FRMD4A: variants seen among roughly 807,000 people sequenced by gnomAD.
The protein encoded by FRMD4A is FERM domain-containing protein 4A.
In FRMD4A, 29 loss-of-function variants were observed where a neutral mutation model predicts 129.1. The ratio of observed to expected loss-of-function variants is 0.22; its 90% CI spans 0.17 to 0.31. FRMD4A has a LOEUF of 0.31. FRMD4A is among the 10% of genes least tolerant of loss of function. FRMD4A has a pLI of 1.00. For missense variants in FRMD4A, 1,272 were observed against 1,375.8 expected (o/e 0.92, Z 1.19); for synonymous variants, 634 against 571.6 (o/e 1.11, Z -1.56).
chr10:14,228,374 T>C (rs1018532677), intron 2 of FRMD4A, among the ~76,000 whole-genome samples: 2 of 152,216 alleles, frequency 1.3e-5, no homozygotes, highest in African/African-American at 2.4e-5. Flanking sequence ...GTTTATTGTT[T>C]GAGCTTAATT....
intron 2 of FRMD4A, among the ~76,000 whole-genome samples, chr10:14,003,238 G>C (rs1352609934): frequency 4.6e-5 from 7 of 152,178 alleles, no homozygotes; most frequent in Non-Finnish European, 8.8e-5. Flanking sequence ...GGAATGGACA[G>C]TGCCTTGTGG....
chr10:13,988,182 T>C (rs761169178), intron 2 of FRMD4A, among the ~76,000 whole-genome samples: 11 of 152,234 alleles, frequency 7.2e-5, no homozygotes, highest in Non-Finnish European at 4.4e-5. Flanking sequence ...AGAACACTTC[T>C]TTAGTATTAT....
In FRMD4A at chr10:13,654,471, C is replaced by T; in HGVS notation, c.2995G>A (p.Glu999Lys). Residue 999 changes from glutamate to lysine, a missense_variant, in exon 23 of 25, where the codon GAA becomes AAA. By Grantham distance (56) the Glu-to-Lys change is moderately conservative. This residue lies in a region of FRMD4A where 972 missense variants were observed against 892.3 expected (regional missense o/e 1.09). Coordinates refer to ENST00000357447, the MANE Select transcript of FRMD4A (RefSeq NM_018027.5). ...QSQRSSTPSS[E>K]IGATPPSSPH... Reference sequence around the variant, plus strand: ...CTGCTTGGGGGGGTGGCTCCAATTTCACTTGACGGTGTCGAGCTTCTCTGG... The same window carrying T: ...CTGCTTGGGGGGGTGGCTCCAATTTTACTTGACGGTGTCGAGCTTCTCTGG... 1 of 1,613,978 alleles carries T rather than the reference C, an allele frequency of 6.2e-7. No homozygotes were observed. Among genetic ancestry groups the T allele is most frequent in the South Asian group, 1.1e-5 (1 of 91,060 alleles).
chr10:13,900,793 A>G (rs1388425344), intron 2 of FRMD4A, among the ~76,000 whole-genome samples: 1 of 152,148 alleles, frequency 6.6e-6, no homozygotes, highest in African/African-American at 2.4e-5. Flanking sequence ...GCTACTCAGG[A>G]GGCTGAGGCA....
intron 2 of FRMD4A, among the ~76,000 whole-genome samples, chr10:13,989,089 T>C (rs1276752709): frequency 1.3e-5 from 2 of 152,110 alleles, no homozygotes; most frequent in African/African-American, 2.4e-5. Context: ...GGTGGGGACA[T>C]AAGAAATATC....
chr10:14,175,722 G>T (rs1160620991), intron 2 of FRMD4A, among the ~76,000 whole-genome samples: 3 of 151,860 alleles, frequency 2.0e-5, no homozygotes, highest in Non-Finnish European at 4.4e-5. Flanking sequence ...ACAGGGTCTT[G>T]CTATGTTTCC....
At chr10:13,988,797 C>T (rs1186295839) in intron 2 of FRMD4A, among the ~76,000 whole-genome samples, 3 of 152,166 alleles carry the variant, frequency 2.0e-5, no homozygotes, top group South Asian at 2.1e-4. Flanking sequence ...TATCTACCTA[C>T]CTACCTACCT....
intron 12 of FRMD4A, among the ~76,000 whole-genome samples, chr10:13,713,804 T>C (rs1458204082): frequency 1.6e-5 from 2 of 124,006 alleles, no homozygotes; most frequent in Non-Finnish European, 3.2e-5. Flanking sequence ...ATGTAATATA[T>C]ATACACATAT....
chr10:13,679,664 T>C (rs951899651), intron 15 of FRMD4A, among the ~76,000 whole-genome samples: 3 of 151,556 alleles, frequency 2.0e-5, no homozygotes, highest in Non-Finnish European at 4.4e-5. Context: ...GTGAACCTGC[T>C]GCATGTATTC....
At chr10:14,039,285 C>T (rs1340425001) in intron 2 of FRMD4A, among the ~76,000 whole-genome samples, 3 of 152,014 alleles carry the variant, frequency 2.0e-5, no homozygotes, top group Non-Finnish European at 4.4e-5. Context: ...TATACTATAT[C>T]AAAGGTTTTT....
At chr10:13,899,730 C>G (rs1319680905) in intron 2 of FRMD4A, among the ~76,000 whole-genome samples, 1 of 152,166 alleles carries the variant, frequency 6.6e-6, no homozygotes, top group Non-Finnish European at 1.5e-5. Context: ...AACCCAGAGT[C>G]GTCTTTTGGA....
chr10:14,235,665 C>T (rs528136221), intron 2 of FRMD4A, among the ~76,000 whole-genome samples: 1 of 152,352 alleles, frequency 6.6e-6, no homozygotes, highest in East Asian at 1.9e-4. Context: ...GGGTGGGCTT[C>T]CCACCAGTGA....
chr10:13,838,737 C>A (rs1019228235), intron 3 of FRMD4A, among the ~76,000 whole-genome samples: 1 of 152,128 alleles, frequency 6.6e-6, no homozygotes, highest in African/African-American at 2.4e-5. Flanking sequence ...AAGTGATACG[C>A]CTGCCTCAGC....
chr10:13,709,318 T>A (rs1375092335), intron 12 of FRMD4A, among the ~76,000 whole-genome samples: 1 of 152,108 alleles, frequency 6.6e-6, no homozygotes, highest in African/African-American at 2.4e-5. Context: ...TTAGCCTCAG[T>A]TTTCCCCTCT....
intron 2 of FRMD4A, among the ~76,000 whole-genome samples, chr10:14,231,255 T>A (rs1349715096): frequency 1.3e-5 from 2 of 152,180 alleles, no homozygotes; most frequent in African/African-American, 4.8e-5. Context: ...GCATGAGTGT[T>A]CCCTTTTTGC....
intron 16 of FRMD4A, among the ~76,000 whole-genome samples, chr10:13,671,327 A>T (rs1261958701): frequency 6.6e-6 from 1 of 151,988 alleles, no homozygotes; most frequent in East Asian, 1.9e-4. Context: ...GGTGGTAAGC[A>T]CCTGTAATCC....
chr10:14,161,345 T>G (rs112061116), intron 2 of FRMD4A, among the ~76,000 whole-genome samples: 6,802 of 152,294 alleles, frequency 0.045, 518 homozygotes, highest in African/African-American at 0.15. Context: ...AGGAAATCAG[T>G]GTATCAAAGA....
Position 13,900,875 on chromosome 10 carries a change from C to T in FRMD4A, c.46-41963G>A, listed in dbSNP as rs149567727. The stretch of plus-strand genomic sequence containing the variant: ...TCACGCCACTGTACTCCAGCCTGGG[C>T]GACAGAGCGAGATTCCGTCTCTAAA... On this transcript the variant is annotated intron_variant, in intron 2 of 24. Transcript: ENST00000357447. 3.4e-3 allele frequency among the ~76,000 whole-genome samples: 515 copies of T among 152,026 alleles called. 6 individuals are homozygous for T. The highest frequency in any genetic ancestry group is 0.012 in the African/African-American group (483 of 41,440).
intron 2 of FRMD4A, among the ~76,000 whole-genome samples, chr10:14,001,289 T>C (rs1381406581): frequency 6.6e-6 from 1 of 152,168 alleles, no homozygotes; most frequent in Non-Finnish European, 1.5e-5. Context: ...ACACCAAAGT[T>C]GAAAAGCATT....
Sources: gnomAD v4.1 joint callset for allele counts (sites outside exome capture counted in the v4.1 genomes callset) on GRCh38, gnomAD v4.1.1 for gene constraint, gnomAD v4.1.1 regional missense constraint, MANE v1.5 for transcripts, NCBI Gene and HGNC (gene_info 2026-07-23, HGNC 2026-07-21) for gene names.